TTC28: variants seen among roughly 807,000 people sequenced by gnomAD.
TTC28 encodes the protein tetratricopeptide repeat domain 28, also known as tetratricopeptide repeat protein 28.
A neutral mutation model predicts 198.0 loss-of-function variants in TTC28; 61 were observed. The observed-to-expected ratio is 0.31, with a 90% CI of 0.25 to 0.38. TTC28 has a LOEUF of 0.38. Ranked by LOEUF, TTC28 falls within the 10% of genes least tolerant of loss-of-function variation. The pLI, the probability that TTC28 is intolerant of heterozygous loss-of-function variation, is 1.00. For synonymous variants in TTC28, 1,171 were observed against 1,297.8 expected, an observed-to-expected ratio of 0.90 and a Z score of 2.10; for missense variants, 2,678 against 3,164.0, an observed-to-expected ratio of 0.85 and a Z score of 3.69.
chr22:28,338,458 C>A (rs1245975386), intron 2 of TTC28, among the ~76,000 whole-genome samples: 1 of 151,792 alleles, frequency 6.6e-6, no homozygotes, highest in Non-Finnish European at 1.5e-5. Flanking sequence ...CCATTCTCCC[C>A]ATGACTTTCA....
chr22:28,188,710 C>G (rs1371542260), intron 5 of TTC28, among the ~76,000 whole-genome samples: 1 of 152,164 alleles, frequency 6.6e-6, no homozygotes, highest in Non-Finnish European at 1.5e-5. Context: ...ACATTACAAG[C>G]CCCTTTGTTC....
intron 5 of TTC28, among the ~76,000 whole-genome samples, chr22:28,168,290 C>A (rs531133077): frequency 0.078 from 11,834 of 152,154 alleles, 572 homozygotes; most frequent in South Asian, 0.17. Flanking sequence ...CAAGCTACCA[C>A]AGACTTTCTT....
intron 5 of TTC28, among the ~76,000 whole-genome samples, chr22:28,263,680 A>C (rs1174307657): frequency 2.0e-5 from 3 of 152,156 alleles, no homozygotes; most frequent in Admixed American, 6.5e-5. Context: ...ATATTGATAG[A>C]TCAGTCCTTA....
At chr22:28,526,735 G>GT (rs961515046) in intron 2 of TTC28, among the ~76,000 whole-genome samples, 24 of 151,974 alleles carry the variant, frequency 1.6e-4, no homozygotes, top group African/African-American at 5.3e-4. Context: ...AAGCTAATCT[G>GT]TTTTTTTGTT....
chr22:28,443,656 T>C (rs2047658837), intron 2 of TTC28, among the ~76,000 whole-genome samples: 1 of 152,114 alleles, frequency 6.6e-6, no homozygotes, highest in Admixed American at 6.5e-5. Flanking sequence ...CAGTCTGCAC[T>C]AATGACTTCC....
In TTC28 at chr22:28,310,671, G is replaced by A. The variant is rs189288614; in HGVS notation, c.382-4028C>T. On this transcript the variant is annotated intron_variant, in intron 2 of 22. Coordinates refer to ENST00000397906, the MANE Select transcript of TTC28 (RefSeq NM_001145418.2). ...GTAATAAATATATGTAATATGTAAT[G>A]ATATATAGAATAGTATATACTCATA... Among the ~76,000 whole-genome samples the A allele has an allele frequency of 1.2e-4, 19 of 152,078 alleles. No homozygotes were observed. In the East Asian group the frequency reaches 2.1e-3, roughly 17 times the overall value.
intron 12 of TTC28, among the ~76,000 whole-genome samples, chr22:28,057,342 G>A (rs570102895): frequency 6.6e-6 from 1 of 152,150 alleles, no homozygotes; most frequent in South Asian, 2.1e-4. Context: ...GAATGTAGTG[G>A]TATCTTCTTG....
intron 2 of TTC28, among the ~76,000 whole-genome samples, chr22:28,360,562 C>A (rs1769444256): frequency 6.6e-6 from 1 of 152,082 alleles, no homozygotes; most frequent in Non-Finnish European, 1.5e-5. Flanking sequence ...CAACGGTATC[C>A]TTCTCACTAA....
At chr22:28,353,886 C>G (rs1287347379) in intron 2 of TTC28, among the ~76,000 whole-genome samples, 19 of 152,170 alleles carry the variant, frequency 1.2e-4, no homozygotes, top group Non-Finnish European at 2.1e-4. Flanking sequence ...AGAGACATTT[C>G]TCCAAAGAAG....
intron 3 of TTC28, among the ~76,000 whole-genome samples, chr22:28,304,473 A>G (rs569642013): frequency 6.6e-6 from 1 of 152,298 alleles, no homozygotes; most frequent in African/African-American, 2.4e-5. Flanking sequence ...TGCTGAAAAT[A>G]AATCAGATAA....
intron 5 of TTC28, among the ~76,000 whole-genome samples, chr22:28,291,673 A>G (rs1407283625): frequency 6.6e-6 from 1 of 152,212 alleles, no homozygotes; most frequent in Non-Finnish European, 1.5e-5. Flanking sequence ...TACTATGTTT[A>G]TTCCAAACCA....
chr22:28,141,130 T>TCA (rs1943322716), intron 6 of TTC28, among the ~76,000 whole-genome samples: 1 of 152,166 alleles, frequency 6.6e-6, no homozygotes, highest in African/African-American at 2.4e-5. Flanking sequence ...TCAGAGGCGC[T>TCA]CAATCTCTGC....
rs1258892663 is a variant in TTC28, at chr22:28,163,511, A to G, written c.1022T>C (p.Val341Ala). Residue 341 changes from valine to alanine, a missense_variant, in exon 6 of 23, where the codon GTT (valine) becomes GCT (alanine). Physicochemically the swap from Val to Ala is moderately conservative, Grantham distance 64 (BLOSUM62 0). This residue lies in a region of TTC28 where 775 missense variants were observed against 845.9 expected (regional missense o/e 0.92). Coordinates refer to ENST00000397906, the MANE Select transcript of TTC28 (RefSeq NM_001145418.2). ...ATCTTTGGATTGCTTGGCAAGAAGA[A>G]CACACTGTTTGTGACTGGCCAGTGC... ...PNALASHKQC[V>A]LLAKQSKDEL... The G allele has an allele frequency of 6.4e-7, 1 of 1,551,780 alleles. No homozygotes were observed.
At chr22:28,152,513 A>G (rs1943634175) in intron 6 of TTC28, among the ~76,000 whole-genome samples, 1 of 152,158 alleles carries the variant, frequency 6.6e-6, no homozygotes, top group Non-Finnish European at 1.5e-5. Flanking sequence ...CATACTCTAT[A>G]ATCTCAGGTG....
At chr22:28,662,721 T>G (rs556743570) in intron 1 of TTC28, among the ~76,000 whole-genome samples, 2 of 152,324 alleles carry the variant, frequency 1.3e-5, no homozygotes, top group Admixed American at 1.3e-4. Flanking sequence ...ATATTTGGAA[T>G]TTGTGGCCAA....
chr22:28,512,680 AAACCAAAC>A (rs1272097393), intron 2 of TTC28, among the ~76,000 whole-genome samples: 13 of 152,222 alleles, frequency 8.5e-5, no homozygotes, highest in Non-Finnish European at 1.5e-5. Flanking sequence ...CAGGAACAGA[AAACCAAAC>A]ACTGCACATC....
chr22:28,510,454 G>A (rs9613640), intron 2 of TTC28, among the ~76,000 whole-genome samples: 25,060 of 151,984 alleles, frequency 0.16, 2,824 homozygotes, highest in Non-Finnish European at 0.25. Context: ...AAAGGCCTTC[G>A]ATAAAATTCA....
At position 28,304,024 on chromosome 22, in the gene TTC28, G is replaced by A. The variant is rs901867582; in HGVS notation, c.529+2472C>T. ...GCAGCAGCCGGGCGCGGTGGCTCAC[G>A]CCTGTAATCCCAGCACTTTGGGAGG... On this transcript the variant is annotated intron_variant, in intron 3 of 22. Transcript: ENST00000397906. Among the ~76,000 whole-genome samples the A allele has an allele frequency of 2.0e-5, 3 of 152,118 alleles. No individual in the cohort carries two copies. In the South Asian group the frequency reaches 6.2e-4, roughly 32 times the overall value.
intron 12 of TTC28, among the ~76,000 whole-genome samples, chr22:28,069,125 A>C (rs1270627950): frequency 1.3e-5 from 2 of 152,214 alleles, no homozygotes; most frequent in African/African-American, 4.8e-5. Flanking sequence ...GCAGTGAGTG[A>C]GTCATTTTCT....
Sources: allele counts gnomAD v4.1 joint callset (sites outside exome capture counted in the v4.1 genomes callset), GRCh38; gene constraint gnomAD v4.1.1; regional missense constraint gnomAD v4.1.1; transcripts MANE v1.5; gene names NCBI Gene and HGNC (gene_info 2026-07-23, HGNC 2026-07-21).